Variants in CNTNAP2 observed in about 807,000 individuals in gnomAD.
CNTNAP2 encodes contactin associated protein 2.
Under a neutral mutation model 155.2 loss-of-function variants are expected in CNTNAP2, and 98 were observed. The ratio of observed to expected loss-of-function variants is 0.63; its 90% CI spans 0.54 to 0.75. The LOEUF (loss-of-function observed/expected upper bound fraction) is 0.75. Ranked by LOEUF, CNTNAP2 falls within the 30% of genes least tolerant of loss-of-function variation. The probability of loss-of-function intolerance (pLI) is 0.00; values close to 1 mark genes in which losing one functional copy is unlikely to be tolerated. For synonymous variants in CNTNAP2, 651 were observed against 631.2 expected (o/e 1.03, Z -0.47); for missense variants, 1,727 against 1,688.1 (o/e 1.02, Z -0.40).
intron 19 of CNTNAP2, among the ~76,000 whole-genome samples, chr7:148,224,252 C>T (rs760095355): frequency 6.6e-6 from 1 of 151,848 alleles, no homozygotes; most frequent in Non-Finnish European, 1.5e-5. Flanking sequence ...GTTTTTTCTG[C>T]GTGTTGCCAA....
chr7:147,588,104 A>T (rs1039020729), intron 12 of CNTNAP2, among the ~76,000 whole-genome samples: 2 of 152,100 alleles, frequency 1.3e-5, no homozygotes, highest in African/African-American at 4.8e-5. Flanking sequence ...ATCCAAAAAG[A>T]TAGATAGATA....
intron 3 of CNTNAP2, among the ~76,000 whole-genome samples, chr7:146,852,803 C>T (rs1319479629): frequency 6.6e-6 from 1 of 152,148 alleles, no homozygotes; most frequent in South Asian, 2.1e-4. Context: ...CAGTATTCTT[C>T]AGAGAAGGTT....
chr7:146,970,253 T>A (rs996553311), intron 3 of CNTNAP2, among the ~76,000 whole-genome samples: 4 of 151,998 alleles, frequency 2.6e-5, no homozygotes, highest in African/African-American at 9.7e-5. Flanking sequence ...CAAAAGAAAC[T>A]ACCATCAGAG....
At chr7:147,107,837 G>T (rs539091584) in intron 4 of CNTNAP2, among the ~76,000 whole-genome samples, 2 of 152,060 alleles carry the variant, frequency 1.3e-5, no homozygotes, top group South Asian at 4.2e-4. Context: ...TACGATTTTG[G>T]TCTAAACTCT....
intron 12 of CNTNAP2, among the ~76,000 whole-genome samples, chr7:147,590,989 C>T (rs758290096): frequency 6.6e-6 from 1 of 152,192 alleles, no homozygotes; most frequent in Non-Finnish European, 1.5e-5. Context: ...ATTCCACAAG[C>T]TCCTTTAAGT....
intron 2 of CNTNAP2, among the ~76,000 whole-genome samples, chr7:146,814,811 A>G (rs78583127): frequency 0.011 from 1,675 of 152,292 alleles, 19 homozygotes; most frequent in Middle Eastern, 0.041. Flanking sequence ...CCGCTTCAAG[A>G]CAAAACTTAC....
chr7:147,981,869 A>T (rs1801537467), intron 15 of CNTNAP2, among the ~76,000 whole-genome samples: 1 of 151,300 alleles, frequency 6.6e-6, no homozygotes, highest in Non-Finnish European at 1.5e-5. Flanking sequence ...CCAAATGGAA[A>T]CTTCAAATCA....
chr7:146,792,267 C>G (rs1336954576), intron 2 of CNTNAP2, among the ~76,000 whole-genome samples: 1 of 148,238 alleles, frequency 6.7e-6, no homozygotes, highest in Non-Finnish European at 1.5e-5. Context: ...AAAGAAAAAG[C>G]TAAAAAAAAA....
At chr7:147,284,098 T>C (rs1805118963) in intron 8 of CNTNAP2, among the ~76,000 whole-genome samples, 1 of 151,830 alleles carries the variant, frequency 6.6e-6, no homozygotes, top group African/African-American at 2.4e-5. Context: ...CAAGTACAAA[T>C]GTGAAGCCAA....
intron 16 of CNTNAP2, among the ~76,000 whole-genome samples, chr7:148,137,119 C>T (rs1037524739): frequency 2.6e-5 from 4 of 152,140 alleles, no homozygotes; most frequent in African/African-American, 9.7e-5. Context: ...TCTTCTACAA[C>T]TTTAAAGGAG....
chr7:148,064,501 T>C (rs572868324), intron 15 of CNTNAP2, among the ~76,000 whole-genome samples: 10 of 151,912 alleles, frequency 6.6e-5, no homozygotes, highest in Non-Finnish European at 1.3e-4. Flanking sequence ...AAGGATATGA[T>C]TGTATACCTA....
At chr7:146,149,812 A>G (rs550230491) in intron 1 of CNTNAP2, among the ~76,000 whole-genome samples, 3 of 151,668 alleles carry the variant, frequency 2.0e-5, no homozygotes, top group Non-Finnish European at 4.4e-5. Flanking sequence ...AAAATATAGA[A>G]GAATATTTCC....
In CNTNAP2 at chr7:147,524,438, C is replaced by G. The variant is rs945602125; in HGVS notation, c.1778-37700C>G. ...GGCTCTGTTATGCCCTGGCACTGTG[C>G]TAGGTCCCCAACATTCACAGAAGAC... On this transcript the variant is annotated intron_variant, in intron 11 of 23. Coordinates refer to ENST00000361727, the MANE Select transcript of CNTNAP2 (RefSeq NM_014141.6). Among the ~76,000 whole-genome samples, 21 of 152,172 alleles carry G rather than the reference C, an allele frequency of 1.4e-4. 1 individual carries two copies. Among genetic ancestry groups the G allele is most frequent in the Admixed American group, 1.3e-3 (20 of 15,280 alleles).
At chr7:147,311,460 G>T (rs1216990331) in intron 9 of CNTNAP2, among the ~76,000 whole-genome samples, 1 of 151,980 alleles carries the variant, frequency 6.6e-6, no homozygotes, top group Non-Finnish European at 1.5e-5. Flanking sequence ...GAAAGAAATG[G>T]CCTGGCTCTC....
chr7:146,980,029 C>T (rs1005567454), intron 3 of CNTNAP2, among the ~76,000 whole-genome samples: 1 of 152,056 alleles, frequency 6.6e-6, no homozygotes, highest in Non-Finnish European at 1.5e-5. Flanking sequence ...AGGTGGATGT[C>T]CTAGTTGGTT....
intron 13 of CNTNAP2, among the ~76,000 whole-genome samples, chr7:147,751,971 G>T (rs7791979): frequency 0.33 from 50,457 of 151,018 alleles, 10,118 homozygotes; most frequent in African/African-American, 0.57. Context: ...AAGCAATCGA[G>T]CTGGAATCTA....
At chr7:148,295,915 C>G (rs1163059250) in intron 21 of CNTNAP2, among the ~76,000 whole-genome samples, 1 of 152,152 alleles carries the variant, frequency 6.6e-6, no homozygotes, top group Admixed American at 6.6e-5. Context: ...CAAGGGTCTT[C>G]CCTCTGCAAG....
intron 3 of CNTNAP2, among the ~76,000 whole-genome samples, chr7:146,860,759 A>C (rs1585126385): frequency 1.3e-5 from 2 of 152,124 alleles, no homozygotes; most frequent in African/African-American, 4.8e-5. Flanking sequence ...GAAAAAAAAA[A>C]CGCATTATTG....
At chr7:146,818,121 T>C (rs1803209465) in intron 2 of CNTNAP2, among the ~76,000 whole-genome samples, 1 of 152,178 alleles carries the variant, frequency 6.6e-6, no homozygotes, top group African/African-American at 2.4e-5. Flanking sequence ...ATTTTCTTTC[T>C]TTTCTATTAA....
Sources: gnomAD v4.1 joint callset for allele counts (sites outside exome capture counted in the v4.1 genomes callset) on GRCh38, gnomAD v4.1.1 for gene constraint, MANE v1.5 for transcripts, NCBI Gene and HGNC (gene_info 2026-07-23, HGNC 2026-07-21) for gene names.